Variants in A2ML1 observed in about 807,000 individuals in gnomAD.
A2ML1 encodes the protein alpha-2-macroglobulin-like protein 1.
Under a neutral mutation model 181.9 loss-of-function variants are expected in A2ML1, and 161 were observed. The observed-to-expected ratio is 0.89, with a 90% CI of 0.78 to 1.01. A2ML1 has a LOEUF of 1.01. A2ML1 is among the 50% of genes least tolerant of loss of function. The pLI, the probability that A2ML1 is intolerant of heterozygous loss-of-function variation, is 0.00. For synonymous variants in A2ML1, 663 were observed against 666.8 expected (o/e 0.99, Z 0.09); for missense variants, 1,670 against 1,768.1 (o/e 0.94, Z 1.00).
intron 13 of A2ML1, among the ~76,000 whole-genome samples, chr12:8,845,709 A>G (rs899201697): frequency 1.3e-5 from 2 of 151,870 alleles, no homozygotes; most frequent in African/African-American, 2.4e-5. Flanking sequence ...AATTAGCCGG[A>G]CGTCGGGGCG....
chr12:8,874,600 A>G (rs1161724859), intron 34 of A2ML1, 73 bp downstream of exon 34: 1 of 1,172,236 alleles, frequency 8.5e-7, no homozygotes, highest in East Asian at 2.4e-5. Flanking sequence ...CTCATTCTTC[A>G]TGGCTTCTCT....
At chr12:8,870,088 G>T (rs1185498073) in intron 33 of A2ML1, among the ~76,000 whole-genome samples, 1 of 152,058 alleles carries the variant, frequency 6.6e-6, no homozygotes, top group Non-Finnish European at 1.5e-5. Context: ...TTCCACACAA[G>T]GAACAAAGTT....
chr12:8,848,833 GC>G lies in A2ML1; in HGVS notation c.1951del (p.Gln651LysfsTer30). 1 of 1,614,100 alleles carries G rather than the reference GC, an allele frequency of 6.2e-7. No individual in the cohort carries two copies. Among genetic ancestry groups the G allele is most frequent in the South Asian group, 1.1e-5 (1 of 91,058 alleles). ...DFPQPLIDPM[P>X]QGHSSQRSII... ...TTCCTCAGCCCCTCATTGACCCAAT[GC>G]CCCAAGGGCATTCGAGCCAGCGTTC... On this transcript the variant is annotated frameshift_variant, in exon 16 of 36. Coordinates refer to ENST00000299698, the MANE Select transcript of A2ML1 (RefSeq NM_144670.6). LOFTEE classifies it high-confidence loss of function.
intron 28 of A2ML1, among the ~76,000 whole-genome samples, chr12:8,863,521 G>A (rs918600916): frequency 6.6e-6 from 1 of 152,178 alleles, no homozygotes; most frequent in African/African-American, 2.4e-5. Context: ...ATTTCCATTA[G>A]CATCAAAACT....
chr12:8,858,128 G>A, intron 26 of A2ML1, 26 bp downstream of exon 26: 1 of 1,606,524 alleles, frequency 6.2e-7, no homozygotes. Flanking sequence ...GGAGCCTGCA[G>A]CCAACCACTG....
chr12:8,850,047 T>A, intron 17 of A2ML1, 113 bp from the exon 18 acceptor site: 1 of 831,788 alleles, frequency 1.2e-6, no homozygotes, highest in South Asian at 1.7e-5. Flanking sequence ...TGCCTCTGAC[T>A]GGATGTTCTC....
At chr12:8,862,143 T>C (rs967918723) in intron 28 of A2ML1, among the ~76,000 whole-genome samples, 2 of 152,196 alleles carry the variant, frequency 1.3e-5, no homozygotes, top group East Asian at 1.9e-4. Context: ...ATCACCCTTT[T>C]GGAGATCTTT....
At chr12:8,844,563 G>A (rs1242039263) in intron 12 of A2ML1, among the ~76,000 whole-genome samples, 1 of 152,186 alleles carries the variant, frequency 6.6e-6, no homozygotes, top group Non-Finnish European at 1.5e-5. Flanking sequence ...CTTGGTGACA[G>A]TCAGGAAGTA....
intron 7 of A2ML1, among the ~76,000 whole-genome samples, chr12:8,836,900 G>C (rs976735876): frequency 2.0e-4 from 31 of 152,180 alleles, no homozygotes; most frequent in African/African-American, 6.3e-4. Flanking sequence ...TATGGATCAG[G>C]AGAAAGAAAG....
intron 16 of A2ML1, 57 bp from the exon 17 acceptor site, chr12:8,849,612 A>G: frequency 7.4e-7 from 1 of 1,350,112 alleles, no homozygotes; most frequent in Non-Finnish European, 1.1e-6. Context: ...CCTGGGCAGT[A>G]GCCCTTGTAG....
Position 8,843,147 on chromosome 12 carries a change from T to G in A2ML1, c.1262T>G (p.Met421Arg). 1 of 1,614,114 alleles carries G rather than the reference T, an allele frequency of 6.2e-7. No individual in the cohort carries two copies. Among genetic ancestry groups the G allele is most frequent in the South Asian group, 1.1e-5 (1 of 91,068 alleles). Residue 421 changes from methionine to arginine, a missense_variant, in exon 12 of 36, where the codon ATG (methionine) becomes AGG (arginine). Physicochemically the swap from Met to Arg is moderately conservative, Grantham distance 91. Transcript: ENST00000299698. ...TDVSLEGKFQ[M>R]EDLVYNPEQV... is the part of the protein sequence containing the mutation. ...TTTTATTCTCAGGGAAAGTTTCAAA[T>G]GGAAGACTTAGTATATAATCCGGAA...
chr12:8,842,385 A>AT (rs1163391833), intron 11 of A2ML1, among the ~76,000 whole-genome samples: 25 of 136,458 alleles, frequency 1.8e-4, no homozygotes, highest in African/African-American at 5.6e-4. Context: ...CGCCCGGCTA[A>AT]TTTTTTGTAT....
chr12:8,840,736 C>T (rs899281088), intron 10 of A2ML1, among the ~76,000 whole-genome samples: 2 of 151,470 alleles, frequency 1.3e-5, no homozygotes, highest in African/African-American at 2.4e-5. Flanking sequence ...GGTGAAAACC[C>T]GTCCCTGCTA....
At chr12:8,861,640 A>C (rs1007603118) in intron 28 of A2ML1, among the ~76,000 whole-genome samples, 1 of 151,478 alleles carries the variant, frequency 6.6e-6, no homozygotes, top group African/African-American at 2.4e-5. Context: ...GGCGCCCACC[A>C]CCACGCCCGG....
In A2ML1 at chr12:8,850,165, G is replaced by A. The variant is rs765592950; in HGVS notation, c.2125G>A (p.Gly709Ser). The change falls in exon 18 of 36, where the codon GGT becomes AGT. Residue 709 changes from glycine (G) to serine (S), a missense_variant. Gly to Ser is a moderately conservative substitution (Grantham distance 56, BLOSUM62 0). Transcript: ENST00000299698. ...CGTATTCTCAATTTCATCAGCAGGC[G>A]GTGGTCATCCAGAGGCTTTTGAGTC... ...PEYSTAMGAG[G>S]GHPEAFESST... 50 of 1,602,564 alleles carry A rather than the reference G, an allele frequency of 3.1e-5. No homozygotes were observed. Among genetic ancestry groups the A allele is most frequent in the Middle Eastern group, 1.7e-4 (1 of 6,054 alleles).
At chr12:8,855,434 T>A in intron 22 of A2ML1, 75 bp from the exon 23 acceptor site, 1 of 1,366,168 alleles carries the variant, frequency 7.3e-7, no homozygotes. Flanking sequence ...TAGAAAGTTC[T>A]TCTAAAATTT....
chr12:8,837,668 T>C, intron 8 of A2ML1, 102 bp downstream of exon 8: 13 of 1,332,830 alleles, frequency 9.8e-6, no homozygotes, highest in Non-Finnish European at 1.3e-5. Context: ...GATCACGAGG[T>C]CAGGAGTTTG....
rs769733371 is a variant in A2ML1, at chr12:8,875,359, T to C, written c.*1+347T>C. The C allele has an allele frequency of 3.6e-4, 72 of 202,120 alleles. No homozygotes were observed. In the East Asian group the frequency reaches 8.9e-3, roughly 25 times the overall value. The allele number at this position is 202,120 out of a possible 1,614,324, so 12.5% of individuals were successfully genotyped here. On this transcript the variant is annotated intron_variant, in intron 35 of 35. Transcript: ENST00000299698. ...TCCCAAAGTGCTGAGATTACAAGCA[T>C]GAGCCACCACACTCAGCCCTGTTAT...
At chr12:8,868,134 T>G (rs1303995582) in intron 30 of A2ML1, 77 bp downstream of exon 30, 49 of 1,608,752 alleles carry the variant, frequency 3.0e-5, no homozygotes, top group Non-Finnish European at 4.2e-5. Context: ...GCCTTCTCTC[T>G]CTCTTTCTTT....
Sources: allele counts gnomAD v4.1 joint callset (sites outside exome capture counted in the v4.1 genomes callset), GRCh38; gene constraint gnomAD v4.1.1; transcripts MANE v1.5; gene names NCBI Gene and HGNC (gene_info 2026-07-23, HGNC 2026-07-21).